The following ODAPH variants were observed in gnomAD, a reference collection of about 807,000 sequenced individuals.
The protein encoded by ODAPH is amelogenesis imperfecta type IIA4.
ODAPH carries 2 observed loss-of-function variants against 2.8 expected under a neutral mutation model. The observed-to-expected ratio is 0.72, with a 90% CI of 0.30 to 2.28. ODAPH has a LOEUF of 2.28. Among genes scored for constraint, ODAPH ranks in the 30% most tolerant of loss-of-function variants. The pLI, the probability that ODAPH is intolerant of heterozygous loss-of-function variation, is 0.13. For missense variants in ODAPH, 159 were observed against 163.3 expected (o/e 0.97, Z 0.14); for synonymous variants, 75 against 60.3 (o/e 1.24, Z -1.13).
In ODAPH at chr4:75,556,610, C is replaced by T. The variant is rs772448163; in HGVS notation, c.67+461C>T. On this transcript the variant is annotated intron_variant, in intron 1 of 1. Transcript: ENST00000311623. ...GTGGGTATTTAGTCTTTGTTCATTGCTTTAATTAATCACATCTATTGAGCT... is the reference window on the plus strand; with the variant it reads ...GTGGGTATTTAGTCTTTGTTCATTGTTTTAATTAATCACATCTATTGAGCT... 2.0e-6 allele frequency: 3 copies of T among 1,517,592 alleles called. No individual in the cohort carries two copies. The South Asian group carries it at 3.6e-5, about 18-fold the overall frequency. 94.0% of individuals were successfully genotyped at this position (1,517,592 alleles called of 1,614,324 possible).
chr4:75,563,374 G>A (rs536709677), intron 1 of ODAPH: 10 of 153,932 alleles, frequency 6.5e-5, no homozygotes, highest in African/African-American at 2.4e-4. Context: ...TTACATATGG[G>A]TACATATAAA....
At position 75,562,321 on chromosome 4, in the gene ODAPH, A is replaced by G. The variant is rs1727612807; in HGVS notation, c.68-1793A>G. 2.6e-5 allele frequency among the ~76,000 whole-genome samples: 4 copies of G among 151,734 alleles called. No individual in the cohort carries two copies. In the East Asian group the frequency reaches 7.7e-4, roughly 29 times the overall value. The stretch of plus-strand genomic sequence containing the variant: ...CCTTTATAAGTGCCTCAGCACTCTC[A>G]ACTTCCTGTGGGAAGTTCTTTTTTT... On this transcript the variant is annotated intron_variant, in intron 1 of 1. Transcript: ENST00000311623.
chr4:75,564,585 T>C lies in ODAPH; in HGVS notation c.*146T>C, dbSNP rs1228795909. On this transcript the variant is annotated 3_prime_UTR_variant, in exon 2 of 2. Coordinates refer to ENST00000311623, the MANE Select transcript of ODAPH (RefSeq NM_178497.5). The stretch of plus-strand genomic sequence containing the variant: ...CCTAAACATCACTGACTAGAAACTG[T>C]TCTCTTTGTCAGCAGTGAAGATATT... 6.6e-7 allele frequency: 1 copy of C among 1,521,534 alleles called. No individual in the cohort carries two copies. Among genetic ancestry groups the C allele is most frequent in the East Asian group, 2.4e-5 (1 of 42,360 alleles). The allele number at this position is 1,521,534 out of a possible 1,614,324, so 94.3% of individuals were successfully genotyped here.
At chr4:75,563,873 C>G (rs1025735719) in intron 1 of ODAPH, among the ~76,000 whole-genome samples, 1 of 152,146 alleles carries the variant, frequency 6.6e-6, no homozygotes, top group Non-Finnish European at 1.5e-5. Flanking sequence ...TGTGAACACC[C>G]CGAACAAGTC....
At chr4:75,563,058 T>C (rs1727654105) in intron 1 of ODAPH, among the ~76,000 whole-genome samples, 1 of 117,922 alleles carries the variant, frequency 8.5e-6, no homozygotes, top group South Asian at 3.0e-4. Context: ...AGAGTCTCGC[T>C]CTGTCAGCCA....
Position 75,559,222 on chromosome 4 carries a change from C to T in ODAPH, c.67+3073C>T, listed in dbSNP as rs571075630. Reference sequence around the variant, plus strand: ...CATTGGCGAGGTCCTATTCTAGTAACGTGTGTCCCCAGTAGCCCTATCTTT... The same window carrying T: ...CATTGGCGAGGTCCTATTCTAGTAATGTGTGTCCCCAGTAGCCCTATCTTT... On this transcript the variant is annotated intron_variant, in intron 1 of 1. Coordinates refer to ENST00000311623, the MANE Select transcript of ODAPH (RefSeq NM_178497.5). Among the ~76,000 whole-genome samples the T allele has an allele frequency of 1.6e-4, 24 of 152,310 alleles. 1 individual carries two copies. Among genetic ancestry groups the T allele is most frequent in the African/African-American group, 2.2e-4 (9 of 41,564 alleles).
intron 1 of ODAPH, among the ~76,000 whole-genome samples, chr4:75,558,129 C>A (rs898789059): frequency 6.6e-6 from 1 of 152,174 alleles, no homozygotes; most frequent in African/African-American, 2.4e-5. Flanking sequence ...ATCATCTCTG[C>A]GTTTGCCAGA....
Position 75,564,245 on chromosome 4 carries a change from A to T in ODAPH, c.199A>T (p.Thr67Ser). Reference protein sequence around the residue: ...PVTRAQPITKTPRCPFHFFPR... With the variant: ...PVTRAQPITKSPRCPFHFFPR... ...CACAAGGGCCCAGCCCATCACAAAG[A>T]CACCCAGGTGTCCCTTCCATTTTTT... Residue 67 changes from threonine to serine, a missense_variant, in exon 2 of 2, where the codon ACA becomes TCA. Coordinates refer to ENST00000311623, the MANE Select transcript of ODAPH (RefSeq NM_178497.5). 6.2e-7 allele frequency: 1 copy of T among 1,614,148 alleles called. No homozygotes were observed. The highest frequency in any genetic ancestry group is 8.5e-7 in the Non-Finnish European group (1 of 1,180,030).
At chr4:75,559,875 A>G (rs1431758457) in intron 1 of ODAPH, among the ~76,000 whole-genome samples, 1 of 152,234 alleles carries the variant, frequency 6.6e-6, no homozygotes, top group Non-Finnish European at 1.5e-5. Flanking sequence ...GCAGGCATAT[A>G]GCCACTGAAT....
chr4:75,562,339 C>CTTT lies in ODAPH; in HGVS notation c.68-1760_68-1758dup, dbSNP rs10672492. On this transcript the variant is annotated intron_variant, in intron 1 of 1. Coordinates refer to ENST00000311623, the MANE Select transcript of ODAPH (RefSeq NM_178497.5). ...CACTCTCAACTTCCTGTGGGAAGTTCTTTTTTTTTTTTTTTTTGAGACGGA... is the reference window on the plus strand; with the variant it reads ...CACTCTCAACTTCCTGTGGGAAGTTCTTTTTTTTTTTTTTTTTTTTGAGACGGA... Among the ~76,000 whole-genome samples the CTTT allele has an allele frequency of 4.5e-3, 608 of 135,638 alleles. 2 individuals carry two copies. Among genetic ancestry groups the CTTT allele is most frequent in the African/African-American group, 0.016 (578 of 37,256 alleles). The allele number at this position is 135,638 out of a possible 152,430, so 89.0% of individuals were successfully genotyped here. A position where few individuals can be genotyped will look rare whatever the true frequency, so the allele number is the denominator to read the frequency against.
chr4:75,565,861 T>C (rs756489001), downstream of ODAPH: 1 of 152,198 alleles, frequency 6.6e-6, no homozygotes, highest in Non-Finnish European at 1.5e-5. Flanking sequence ...CTTTGCTTTA[T>C]TAAAATGATC....
At chr4:75,561,435 T>C (rs1727574632) in intron 1 of ODAPH, among the ~76,000 whole-genome samples, 2 of 152,150 alleles carry the variant, frequency 1.3e-5, no homozygotes, top group African/African-American at 4.8e-5. Context: ...GGGTTGGTAT[T>C]TTGTTCAAGG....
chr4:75,564,353 C>T lies in ODAPH; in HGVS notation c.307C>T (p.Pro103Ser), dbSNP rs1208645424. The change falls in exon 2 of 2, where the codon CCA becomes TCA. Residue 103 changes from proline (P) to serine (S), a missense_variant. Physicochemically the swap from Pro to Ser is moderately conservative, Grantham distance 74 (BLOSUM62 -1). Transcript: ENST00000311623. ...GTGTAACCACCGTTTTCCATTCCAG[C>T]CATTTTATTGGCCACACCGTTACCT... ...SRCNHRFPFQ[P>S]FYWPHRYLTY... The T allele has an allele frequency of 6.8e-6, 11 of 1,614,030 alleles. No individual in the cohort carries two copies. Among genetic ancestry groups the T allele is most frequent in the African/African-American group, 1.3e-5 (1 of 74,912 alleles).
intron 1 of ODAPH, 56 bp from the exon 2 acceptor site, chr4:75,564,058 A>G (rs1436047110): frequency 5.3e-6 from 8 of 1,519,690 alleles, no homozygotes; most frequent in Non-Finnish European, 7.3e-6. Context: ...ACTCTAAACC[A>G]CTCTTCTGCT....
At chr4:75,556,968 G>T (rs1437575619) in intron 1 of ODAPH, among the ~76,000 whole-genome samples, 2 of 152,134 alleles carry the variant, frequency 1.3e-5, no homozygotes, top group Non-Finnish European at 2.9e-5. Flanking sequence ...AGGGGGCTTT[G>T]CAGGGGCTCA....
intron 1 of ODAPH, chr4:75,556,513 A>G: frequency 1.3e-6 from 2 of 1,528,296 alleles, no homozygotes; most frequent in South Asian, 1.2e-5. Flanking sequence ...TATGGTTACA[A>G]AGCTAACAAT....
intron 1 of ODAPH, among the ~76,000 whole-genome samples, chr4:75,558,305 T>A (rs1210548301): frequency 6.6e-6 from 1 of 152,220 alleles, no homozygotes; most frequent in African/African-American, 2.4e-5. Flanking sequence ...AGTTTTGCAG[T>A]TATTGTGAGT....
intron 1 of ODAPH, among the ~76,000 whole-genome samples, chr4:75,561,139 G>T (rs1219458790): frequency 6.6e-6 from 1 of 150,436 alleles, no homozygotes; most frequent in Non-Finnish European, 1.5e-5. Context: ...CAGGAGAATG[G>T]CGTGAACCCG....
intron 1 of ODAPH, among the ~76,000 whole-genome samples, chr4:75,563,730 G>A (rs187724585): frequency 6.6e-6 from 1 of 152,280 alleles, no homozygotes; most frequent in East Asian, 1.9e-4. Flanking sequence ...TATCCATGTT[G>A]TGGGTATTAG....
Sources: gnomAD v4.1 joint callset for allele counts (sites outside exome capture counted in the v4.1 genomes callset) on GRCh38, gnomAD v4.1.1 for gene constraint, MANE v1.5 for transcripts, NCBI Gene and HGNC (gene_info 2026-07-23, HGNC 2026-07-21) for gene names.